Variants in NCAM2 observed in about 807,000 individuals in gnomAD.
NCAM2 encodes the protein N-CAM-2.
In NCAM2, 30 loss-of-function variants were observed where a neutral mutation model predicts 98.1. That is an observed-to-expected ratio of 0.31 (90% CI 0.23 to 0.41). The LOEUF (loss-of-function observed/expected upper bound fraction) is 0.41. Ranked by LOEUF, NCAM2 falls within the 10% of genes least tolerant of loss-of-function variation. The pLI is 1.00. For missense variants in NCAM2, 867 were observed against 1,005.8 expected, an observed-to-expected ratio of 0.86 and a Z score of 1.87; for synonymous variants, 368 against 342.4, an observed-to-expected ratio of 1.07 and a Z score of -0.83.
At chr21:21,020,931 A>T (rs989974601) in intron 1 of NCAM2, among the ~76,000 whole-genome samples, 2 of 152,104 alleles carry the variant, frequency 1.3e-5, no homozygotes, top group African/African-American at 4.8e-5. Flanking sequence ...TGTTGCAAAG[A>T]CAAAGTCCGT....
chr21:21,161,859 T>G (rs2067796795), intron 1 of NCAM2, among the ~76,000 whole-genome samples: 1 of 152,034 alleles, frequency 6.6e-6, no homozygotes, highest in South Asian at 2.1e-4. Context: ...GCAGAGATGT[T>G]GCAGTAGTCA....
chr21:21,300,684 C>A (rs1232945631), intron 5 of NCAM2, among the ~76,000 whole-genome samples: 1 of 151,968 alleles, frequency 6.6e-6, no homozygotes, highest in African/African-American at 2.4e-5. Flanking sequence ...ATACAGGAGG[C>A]GGTCTATAAC....
At chr21:21,333,695 G>A (rs376988854) in intron 6 of NCAM2, among the ~76,000 whole-genome samples, 7 of 152,188 alleles carry the variant, frequency 4.6e-5, no homozygotes, top group South Asian at 4.1e-4. Flanking sequence ...TTTTGAATGA[G>A]TAAGCAGAGG....
intron 1 of NCAM2, among the ~76,000 whole-genome samples, chr21:21,254,898 TTGTGTGTGTG>T (rs34003442): frequency 2.7e-5 from 4 of 147,888 alleles, no homozygotes; most frequent in South Asian, 2.2e-4. Flanking sequence ...GGATAATAGT[TTGTGTGTGTG>T]TGTGTGTGTG....
intron 1 of NCAM2, among the ~76,000 whole-genome samples, chr21:21,070,385 T>A (rs1211244750): frequency 1.3e-5 from 2 of 151,456 alleles, no homozygotes; most frequent in Non-Finnish European, 2.9e-5. Context: ...AAAGTCTTTC[T>A]CTGTCAAAAT....
intron 11 of NCAM2, among the ~76,000 whole-genome samples, chr21:21,430,189 C>T (rs372227672): frequency 1.6e-4 from 24 of 151,580 alleles, no homozygotes; most frequent in African/African-American, 5.6e-4. Flanking sequence ...CCACTACACC[C>T]GGCTGTTTTT....
chr21:21,190,560 T>A (rs955406900), intron 1 of NCAM2, among the ~76,000 whole-genome samples: 6 of 152,188 alleles, frequency 3.9e-5, no homozygotes, highest in African/African-American at 1.4e-4. Flanking sequence ...AACAATACAC[T>A]TGGAAGGAGA....
chr21:21,140,037 TGG>T (rs1397275363), intron 1 of NCAM2, among the ~76,000 whole-genome samples: 1 of 152,196 alleles, frequency 6.6e-6, no homozygotes, highest in Non-Finnish European at 1.5e-5. Flanking sequence ...ATTGTCATGG[TGG>T]GTTCTAAGAT....
At chr21:21,212,832 T>G (rs1283062638) in intron 1 of NCAM2, among the ~76,000 whole-genome samples, 2 of 144,678 alleles carry the variant, frequency 1.4e-5, no homozygotes, top group Non-Finnish European at 3.0e-5. Context: ...GAGCACCGCC[T>G]CCCGGGCTCA....
At chr21:21,251,158 A>T (rs2071455737) in intron 1 of NCAM2, among the ~76,000 whole-genome samples, 1 of 151,994 alleles carries the variant, frequency 6.6e-6, no homozygotes. Flanking sequence ...TTATTATTTT[A>T]TTTTATTTTA....
At chr21:21,074,181 T>C (rs2065630357) in intron 1 of NCAM2, among the ~76,000 whole-genome samples, 1 of 152,118 alleles carries the variant, frequency 6.6e-6, no homozygotes, top group African/African-American at 2.4e-5. Context: ...TATATTTCTG[T>C]CCGTCATATA....
intron 12 of NCAM2, among the ~76,000 whole-genome samples, chr21:21,451,375 G>A (rs965191220): frequency 1.3e-5 from 2 of 152,120 alleles, no homozygotes; most frequent in Non-Finnish European, 2.9e-5. Context: ...GAATCCACAA[G>A]CTTTTCTGGG....
intron 1 of NCAM2, among the ~76,000 whole-genome samples, chr21:21,266,915 CAG>C (rs2072304992): frequency 6.6e-6 from 1 of 152,072 alleles, no homozygotes; most frequent in Non-Finnish European, 1.5e-5. Flanking sequence ...TGGGAGCACA[CAG>C]AGAGACATAT....
chr21:21,373,928 G>A lies in NCAM2; in HGVS notation c.1110G>A (p.Val370=), dbSNP rs1486306849. 1 of 1,611,244 alleles carries A rather than the reference G, an allele frequency of 6.2e-7. No homozygotes were observed. Among genetic ancestry groups the A allele is most frequent in the South Asian group, 1.1e-5 (1 of 91,004 alleles). Residue 370 remains valine, a synonymous_variant, in exon 9 of 18, where the codon GTG becomes GTA. Transcript: ENST00000400546. ...HGSSSLHIKD[V]KLSDSGRYDC... The stretch of plus-strand genomic sequence containing the variant: ...GCTCATCACTGCATATTAAAGATGT[G>A]AAGTTGTCAGATTCAGGGAGATATG...
At chr21:21,479,583 C>CAAAAAAAAAAAAAAAAAAAAAAAAAA (rs1156588500) in intron 15 of NCAM2, among the ~76,000 whole-genome samples, 12 of 30,964 alleles carry the variant, frequency 3.9e-4, no homozygotes, top group East Asian at 1.5e-3. Flanking sequence ...GACTGCGTCT[C>CAAAAAAAAAAAAAAAAAAAAAAAAAA]AAAAAAAAAA....
At chr21:21,025,339 C>A (rs945106965) in intron 1 of NCAM2, among the ~76,000 whole-genome samples, 10 of 152,158 alleles carry the variant, frequency 6.6e-5, no homozygotes, top group Admixed American at 4.6e-4. Context: ...CCCACCTAGG[C>A]CTCCCAAAGT....
At chr21:21,074,236 T>C (rs1044722090) in intron 1 of NCAM2, among the ~76,000 whole-genome samples, 4 of 151,978 alleles carry the variant, frequency 2.6e-5, no homozygotes, top group African/African-American at 9.7e-5. Context: ...TCTTAGAAAA[T>C]TATGATGTAT....
At chr21:21,336,368 G>A (rs2074868851) in intron 7 of NCAM2, among the ~76,000 whole-genome samples, 1 of 151,468 alleles carries the variant, frequency 6.6e-6, no homozygotes. Flanking sequence ...AGAGGGAAAA[G>A]GAAGGAAGGA....
intron 1 of NCAM2, among the ~76,000 whole-genome samples, chr21:21,156,579 T>TATAGATAGATAGATAG (rs10654392): frequency 3.0e-4 from 44 of 148,764 alleles, no homozygotes; most frequent in Non-Finnish European, 4.6e-4. Flanking sequence ...ATAGATAGAT[T>TATAGATAGATAGATAG]ATAGATAGAT....
Sources: allele counts gnomAD v4.1 joint callset (sites outside exome capture counted in the v4.1 genomes callset), GRCh38; gene constraint gnomAD v4.1.1; transcripts MANE v1.5; gene names NCBI Gene and HGNC (gene_info 2026-07-23, HGNC 2026-07-21).